The following ZNF423 variants were observed in gnomAD, a reference collection of about 807,000 sequenced individuals.
ZNF423 encodes zinc finger protein 423.
ZNF423 carries 12 observed loss-of-function variants against 95.8 expected under a neutral mutation model. That is an observed-to-expected ratio of 0.13 (90% CI 0.08 to 0.20). The LOEUF (loss-of-function observed/expected upper bound fraction) is 0.20. Among genes scored for constraint, ZNF423 ranks in the 10% least tolerant of loss-of-function variants. The pLI is 1.00. For missense variants in ZNF423, 1,316 were observed against 1,737.1 expected (o/e 0.76, Z 4.31); for synonymous variants, 749 against 711.9 (o/e 1.05, Z -0.83).
chr16:49,622,469 G>T (rs910608561), intron 5 of ZNF423, among the ~76,000 whole-genome samples: 3 of 151,636 alleles, frequency 2.0e-5, no homozygotes, highest in African/African-American at 7.3e-5. Flanking sequence ...CATCACCCTC[G>T]CAGCCTGGCA....
rs773947241 is a variant in ZNF423, at chr16:49,636,234, G to A, written c.2942C>T (p.Thr981Met). Residue 981 changes from threonine to methionine, a missense_variant, in exon 4 of 8, where the codon ACG (threonine) becomes ATG (methionine). Around this residue, in one of 6 missense-constraint regions of ZNF423, gnomAD observed 620 missense variants for 775.6 expected, o/e 0.80. Coordinates refer to ENST00000563137, the MANE Select transcript of ZNF423 (RefSeq NM_001379286.1). The surrounding 1 kb of genome is among the most constrained non-coding windows in gnomAD (Gnocchi z 8.6). ...GTGGGTCACCTTGTGTTCGGTGAGC[G>A]TCAGCAGCGAAGGGAAGCGCTCACC... ...ICGERFPSLLTLTEHKVTHSK... is the reference protein window; with the variant it reads ...ICGERFPSLLMLTEHKVTHSK... The A allele has an allele frequency of 4.3e-5, 69 of 1,612,966 alleles. No homozygotes were observed. The highest frequency in any genetic ancestry group is 5.0e-5 in the Admixed American group (3 of 60,006).
intron 1 of ZNF423, among the ~76,000 whole-genome samples, chr16:49,809,163 C>G (rs926061144): frequency 3.9e-5 from 6 of 152,232 alleles, no homozygotes; most frequent in Non-Finnish European, 8.8e-5. Flanking sequence ...CTTTCTGCTT[C>G]GAATGGCGGA....
At chr16:49,607,046 T>C (rs572447630) in intron 5 of ZNF423, among the ~76,000 whole-genome samples, 10 of 149,972 alleles carry the variant, frequency 6.7e-5, no homozygotes, top group Admixed American at 4.0e-4. Context: ...AAATGTTTTA[T>C]GGTGAAACGT....
At chr16:49,582,304 C>T (rs866689068) in intron 5 of ZNF423, among the ~76,000 whole-genome samples, 1 of 152,334 alleles carries the variant, frequency 6.6e-6, no homozygotes, top group East Asian at 1.9e-4. Context: ...AACTTACAAA[C>T]TCCAAGCCAC....
At chr16:49,849,940 A>AAGGGAT (rs1159874320) in intron 1 of ZNF423, among the ~76,000 whole-genome samples, 1 of 152,208 alleles carries the variant, frequency 6.6e-6, no homozygotes, top group Non-Finnish European at 1.5e-5. Flanking sequence ...ATAGCTTTCA[A>AAGGGAT]AGGGATATTA....
At chr16:49,626,307 G>A in intron 4 of ZNF423, 53 bp from the exon 5 acceptor site, 2 of 1,590,210 alleles carry the variant, frequency 1.3e-6, no homozygotes, top group South Asian at 2.2e-5. Context: ...TAGGAAAAAG[G>A]AGAAAGCAAA....
intron 3 of ZNF423, among the ~76,000 whole-genome samples, chr16:49,686,153 C>G (rs75082990): frequency 0.048 from 7,286 of 152,282 alleles, 200 homozygotes; most frequent in East Asian, 0.072. Flanking sequence ...GGAAGCTCCA[C>G]AGGGGGAGAG....
intron 7 of ZNF423, among the ~76,000 whole-genome samples, chr16:49,520,147 T>C (rs973985290): frequency 2.0e-5 from 3 of 152,190 alleles, no homozygotes; most frequent in African/African-American, 7.2e-5. Flanking sequence ...CGTGGGTATT[T>C]CTTCATCTTT....
In ZNF423 at chr16:49,635,953, C is replaced by T. The variant is rs774865680; in HGVS notation, c.3223G>A (p.Ala1075Thr). ...CTGCGGAACTCCTTGAGGCACAGGG[C>T]GCACTTGTAGAGCTTCTGCAGCCCC... Reference protein sequence around the residue: ...GQGLQKLYKCALCLKEFRSKQ... With the variant: ...GQGLQKLYKCTLCLKEFRSKQ... Residue 1075 changes from alanine (A) to threonine (T), a missense_variant, in exon 4 of 8, where the codon GCC (alanine) becomes ACC (threonine). Around this residue, in one of 6 missense-constraint regions of ZNF423, gnomAD observed 620 missense variants for 775.6 expected, o/e 0.80. Transcript: ENST00000563137. This position sits in a 1 kb window ranked among gnomAD's most constrained non-coding sequence, Gnocchi z 4.8. 33 of 1,595,094 alleles carry T rather than the reference C, an allele frequency of 2.1e-5. No homozygotes were observed. The highest frequency in any genetic ancestry group is 2.2e-5 in the Non-Finnish European group (26 of 1,169,648).
intron 5 of ZNF423, among the ~76,000 whole-genome samples, chr16:49,585,631 G>C (rs966723418): frequency 5.9e-5 from 9 of 152,208 alleles, no homozygotes; most frequent in African/African-American, 2.2e-4. Flanking sequence ...CCTCTCGTTA[G>C]CAACACAAAT....
intron 3 of ZNF423, among the ~76,000 whole-genome samples, chr16:49,664,860 C>T (rs745875209): frequency 9.2e-5 from 14 of 152,240 alleles, no homozygotes; most frequent in Non-Finnish European, 1.9e-4. Flanking sequence ...TGAGCGAGAT[C>T]GGGGGTGGCC....
chr16:49,660,835 G>A (rs118111365), intron 3 of ZNF423, among the ~76,000 whole-genome samples: 6,233 of 151,742 alleles, frequency 0.041, 159 homozygotes, highest in Middle Eastern at 0.068. Flanking sequence ...GCAGGGTGTG[G>A]GGGGATGGGG....
intron 1 of ZNF423, among the ~76,000 whole-genome samples, chr16:49,829,010 C>T (rs2035035012): frequency 6.6e-6 from 1 of 152,186 alleles, no homozygotes; most frequent in Admixed American, 6.5e-5. Flanking sequence ...TGTTGCCAAC[C>T]CAGCCAGAGC....
At chr16:49,657,947 C>T (rs974692676) in intron 3 of ZNF423, among the ~76,000 whole-genome samples, 1 of 152,226 alleles carries the variant, frequency 6.6e-6, no homozygotes, top group Non-Finnish European at 1.5e-5. Context: ...TGAGAGGCCA[C>T]CGTCAGGGTC....
chr16:49,831,284 T>A (rs528818827), intron 1 of ZNF423, among the ~76,000 whole-genome samples: 1 of 152,332 alleles, frequency 6.6e-6, no homozygotes, highest in South Asian at 2.1e-4. Flanking sequence ...ATTCATTTTA[T>A]CTTTGTAAAT....
At chr16:49,601,440 T>C (rs558525807) in intron 5 of ZNF423, among the ~76,000 whole-genome samples, 27 of 152,316 alleles carry the variant, frequency 1.8e-4, no homozygotes, top group African/African-American at 6.5e-4. Context: ...ATTACTGTTG[T>C]TATTATCGTG....
intron 2 of ZNF423, among the ~76,000 whole-genome samples, chr16:49,737,452 CA>C (rs1484843054): frequency 6.6e-6 from 1 of 152,184 alleles, no homozygotes; most frequent in Non-Finnish European, 1.5e-5. Flanking sequence ...ATATTTTTAG[CA>C]GAGACAGGGT....
At chr16:49,644,511 A>T (rs1973098653) in intron 3 of ZNF423, among the ~76,000 whole-genome samples, 1 of 123,508 alleles carries the variant, frequency 8.1e-6, no homozygotes, top group South Asian at 2.5e-4. Flanking sequence ...AAAAGAACAA[A>T]ATTTACACAG....
intron 1 of ZNF423, among the ~76,000 whole-genome samples, chr16:49,819,437 T>C (rs1396022943): frequency 6.6e-6 from 1 of 151,914 alleles, no homozygotes; most frequent in African/African-American, 2.4e-5. Flanking sequence ...TTAGTAATCA[T>C]AGGCTCATCC....
Sources: allele counts gnomAD v4.1 joint callset (sites outside exome capture counted in the v4.1 genomes callset), GRCh38; gene constraint gnomAD v4.1.1; regional missense constraint gnomAD v4.1.1; non-coding constraint Gnocchi (gnomAD v3.1); transcripts MANE v1.5; gene names NCBI Gene and HGNC (gene_info 2026-07-23, HGNC 2026-07-21).